Variants in HSH2D observed in about 807,000 individuals in gnomAD.
HSH2D encodes hematopoietic SH2 domain containing, also known as hematopoietic SH2 domain-containing protein.
HSH2D carries 16 observed loss-of-function variants against 21.5 expected under a neutral mutation model. The ratio of observed to expected loss-of-function variants is 0.74; its 90% CI spans 0.50 to 1.13. The LOEUF (loss-of-function observed/expected upper bound fraction) is 1.13, where lower values mean the gene tolerates loss of function less well. Ranked by LOEUF, HSH2D falls within the 50% of genes most tolerant of loss-of-function variation. HSH2D has a pLI of 0.00. For missense variants in HSH2D, 418 were observed against 441.4 expected (o/e 0.95, Z 0.47); for synonymous variants, 172 against 184.7 (o/e 0.93, Z 0.56).
upstream of HSH2D, chr19:16,139,988 A>G (rs2090989391): frequency 6.6e-6 from 1 of 152,164 alleles, no homozygotes; most frequent in Admixed American, 6.6e-5. Flanking sequence ...ACATCACCCA[A>G]GCAGGTCAGG....
At chr19:16,153,241 T>C in intron 4 of HSH2D, 33 bp downstream of exon 4, 3 of 1,471,332 alleles carry the variant, frequency 2.0e-6, no homozygotes, top group Admixed American at 5.1e-5. Context: ...TTCACAGCCA[T>C]TTCCTTGGGG....
At chr19:16,154,580 A>G in intron 5 of HSH2D, 89 bp downstream of exon 5, 1 of 707,904 alleles carries the variant, frequency 1.4e-6, no homozygotes, top group South Asian at 1.7e-5. Flanking sequence ...GGCTCCTTCT[A>G]GAATGAGAAT....
chr19:16,148,616 C>T (rs2091103619), intron 1 of HSH2D, 108 bp from the exon 2 acceptor site: 3 of 1,092,678 alleles, frequency 2.7e-6, no homozygotes, highest in Admixed American at 2.1e-5. Context: ...TTGCTCTGTC[C>T]ACCCTGGAGG....
upstream of HSH2D, among the ~76,000 whole-genome samples, chr19:16,141,485 C>G (rs190683237): frequency 8.5e-5 from 13 of 152,284 alleles, no homozygotes; most frequent in East Asian, 1.5e-3. Flanking sequence ...AGGGCCTGCA[C>G]CCAGGACCCA....
chr19:16,140,772 A>G (rs2090994680), upstream of HSH2D, among the ~76,000 whole-genome samples: 1 of 152,116 alleles, frequency 6.6e-6, no homozygotes, highest in Non-Finnish European at 1.5e-5. Context: ...CTGTAGTCCC[A>G]GCTACTCAGG....
At chr19:16,139,926 G>C (rs75667360), upstream of HSH2D, 1 of 152,198 alleles carries the variant, frequency 6.6e-6, no homozygotes, top group South Asian at 2.1e-4. Context: ...GAGGGGTGTG[G>C]GGGTGATTCT....
intron 2 of HSH2D, among the ~76,000 whole-genome samples, chr19:16,150,839 T>C (rs528991647): frequency 2.1e-4 from 32 of 152,046 alleles, no homozygotes; most frequent in African/African-American, 7.7e-4. Flanking sequence ...GCCTGAGTGA[T>C]AGAGTAAGAC....
At position 16,157,319 on chromosome 19, in the gene HSH2D, CT is replaced by C. The variant is rs1568333915; in HGVS notation, c.585del (p.Gly197GlufsTer25). 1 of 1,613,856 alleles carries C rather than the reference CT, an allele frequency of 6.2e-7. No homozygotes were observed. The highest frequency in any genetic ancestry group is 1.3e-5 in the African/African-American group (1 of 75,036). ...ACTTCCTCCTGCCCCCCAAAATCCC[CT>C]CTTGGAGAGACCCGCCAGAAACTCT... ...EATSSCPPKS[P>X]LGETRQKLWR... On this transcript the variant is annotated frameshift_variant, in exon 6 of 6. Coordinates refer to ENST00000613986, the MANE Select transcript of HSH2D (RefSeq NM_001382417.1). LOFTEE classifies it low-confidence loss of function (END_TRUNC). This position sits in a 1 kb window ranked among gnomAD's most constrained non-coding sequence, Gnocchi z 4.4.
intron 2 of HSH2D, among the ~76,000 whole-genome samples, chr19:16,149,836 C>T (rs1350137893): frequency 6.6e-6 from 1 of 151,970 alleles, no homozygotes; most frequent in Non-Finnish European, 1.5e-5. Flanking sequence ...CGGCCTCGGC[C>T]TCCCAAAGTG....
chr19:16,140,943 C>T (rs1225681413), upstream of HSH2D, among the ~76,000 whole-genome samples: 2 of 152,078 alleles, frequency 1.3e-5, no homozygotes, highest in East Asian at 1.9e-4. Context: ...AGTGAGTTGC[C>T]CAAGGCAGCT....
At chr19:16,151,756 G>A (rs2091154002) in intron 2 of HSH2D, among the ~76,000 whole-genome samples, 1 of 129,234 alleles carries the variant, frequency 7.7e-6, no homozygotes, top group Non-Finnish European at 1.6e-5. Context: ...CCCAAGGTCT[G>A]CCACAGCTGA....
At chr19:16,136,125 C>A (rs530759344) in intron 1 of HSH2D, among the ~76,000 whole-genome samples, 159 of 152,306 alleles carry the variant, frequency 1.0e-3, no homozygotes, top group Non-Finnish European at 2.0e-3. Context: ...CCATCAAAAT[C>A]TCTGTCATCT....
intron 1 of HSH2D, among the ~76,000 whole-genome samples, chr19:16,146,644 A>G (rs2091073034): frequency 6.6e-6 from 1 of 151,970 alleles, no homozygotes; most frequent in South Asian, 2.1e-4. Context: ...TGATTGCACC[A>G]TTGCACACTC....
upstream of HSH2D, among the ~76,000 whole-genome samples, chr19:16,142,309 T>C (rs1401287179): frequency 6.6e-6 from 1 of 152,184 alleles, no homozygotes; most frequent in African/African-American, 2.4e-5. Flanking sequence ...CAAATCAAGA[T>C]GATTCCTTCT....
rs145994327 is a variant in HSH2D, at chr19:16,155,723, C to T, written c.474+1232C>T. 86 of 151,752 alleles carry T rather than the reference C, an allele frequency of 5.7e-4. 1 individual carries two copies. Among genetic ancestry groups the T allele is most frequent in the African/African-American group, 1.6e-3 (65 of 40,994 alleles). 9.4% of individuals were successfully genotyped at this position (151,752 alleles called of 1,614,324 possible). A position where few individuals can be genotyped will look rare whatever the true frequency, so the allele number is the denominator to read the frequency against. The stretch of plus-strand genomic sequence containing the variant: ...GCAACCTCCGCCTCCCAGGTTCAAG[C>T]GATTCTCCTGCCTCAGCCTCCTGAG... On this transcript the variant is annotated intron_variant, in intron 5 of 5. Coordinates refer to ENST00000613986, the MANE Select transcript of HSH2D (RefSeq NM_001382417.1).
intron 5 of HSH2D, chr19:16,155,789 G>A (rs1039804369): frequency 6.6e-6 from 1 of 152,302 alleles, no homozygotes; most frequent in Non-Finnish European, 1.5e-5. Flanking sequence ...TGTATTTTTA[G>A]TAGAGACGGG....
Position 16,157,726 on chromosome 19 carries a change from G to A in HSH2D, c.991G>A (p.Glu331Lys). 6.2e-7 allele frequency: 1 copy of A among 1,613,218 alleles called. No individual in the cohort carries two copies. Among genetic ancestry groups the A allele is most frequent in the Non-Finnish European group, 8.5e-7 (1 of 1,179,740 alleles). ...CAAGCCAGAGCACCAGGGCTTGGCA[G>A]AGCCTGAGAACGACCAGCTCCCGGA... The part of the protein sequence containing the change: ...ESKPEHQGLA[E>K]PENDQLPEEY... The change falls in exon 6 of 6, where the codon GAG (glutamate) becomes AAG (lysine). Residue 331 changes from glutamate (E) to lysine (K), a missense_variant. Transcript: ENST00000613986. The surrounding 1 kb of genome is among the most constrained non-coding windows in gnomAD (Gnocchi z 4.4).
chr19:16,154,596 C>G (rs1017873454), intron 5 of HSH2D, 105 bp downstream of exon 5: 55 of 640,036 alleles, frequency 8.6e-5, no homozygotes, highest in Non-Finnish European at 1.4e-4. Flanking sequence ...AGAATGCGAT[C>G]CTACAGCTTG....
intron 4 of HSH2D, 52 bp downstream of exon 4, chr19:16,153,260 C>T: frequency 1.4e-6 from 2 of 1,440,332 alleles, no homozygotes; most frequent in Non-Finnish European, 1.8e-6. Context: ...GGCCAAGCCC[C>T]CCAGACCCCT....
Sources: allele counts gnomAD v4.1 joint callset (sites outside exome capture counted in the v4.1 genomes callset), GRCh38; gene constraint gnomAD v4.1.1; non-coding constraint Gnocchi (gnomAD v3.1); transcripts MANE v1.5; gene names NCBI Gene and HGNC (gene_info 2026-07-23, HGNC 2026-07-21).